Variants in TTC7B observed in about 807,000 individuals in gnomAD.
TTC7B encodes the protein tetratricopeptide repeat protein 7B.
A neutral mutation model predicts 106.8 loss-of-function variants in TTC7B; 28 were observed. The observed-to-expected ratio is 0.26, with a 90% CI of 0.19 to 0.36. The LOEUF (loss-of-function observed/expected upper bound fraction) is 0.36. Ranked by LOEUF, TTC7B falls within the 10% of genes least tolerant of loss-of-function variation. TTC7B has a pLI of 1.00. For synonymous variants in TTC7B, 405 were observed against 430.6 expected, an observed-to-expected ratio of 0.94 and a Z score of 0.74; for missense variants, 862 against 1,076.4, an observed-to-expected ratio of 0.80 and a Z score of 2.79.
chr14:90,638,031 G>A (rs1030759788), intron 15 of TTC7B, among the ~76,000 whole-genome samples: 9 of 151,376 alleles, frequency 5.9e-5, no homozygotes, highest in South Asian at 2.1e-4. Context: ...ACAGGTACAC[G>A]CCATCACATC....
At chr14:90,619,065 G>C (rs894620888) in intron 15 of TTC7B, among the ~76,000 whole-genome samples, 4 of 152,080 alleles carry the variant, frequency 2.6e-5, no homozygotes, top group Non-Finnish European at 5.9e-5. Context: ...CACCACGTCC[G>C]GCTAATTTTT....
At chr14:90,727,679 C>T (rs532815502) in intron 5 of TTC7B, among the ~76,000 whole-genome samples, 26 of 152,342 alleles carry the variant, frequency 1.7e-4, no homozygotes, top group African/African-American at 6.0e-4. Flanking sequence ...TCAGGAATGA[C>T]AGCTAAAAAG....
At position 90,593,592 on chromosome 14, in the gene TTC7B, T is replaced by C. The variant is rs766777638; in HGVS notation, c.2001A>G (p.Arg667=). 4.1e-5 allele frequency: 66 copies of C among 1,611,486 alleles called. No individual in the cohort carries two copies. Among genetic ancestry groups the C allele is most frequent in the Non-Finnish European group, 5.5e-5 (65 of 1,178,536 alleles). Residue 667 remains arginine, a synonymous_variant, in exon 18 of 20, where the codon AGA becomes AGG. Coordinates refer to ENST00000328459, the MANE Select transcript of TTC7B (RefSeq NM_001010854.2). ...SVHATSVAAS[R]VEQALSEVAS... is the part of the protein sequence containing the mutation. ...CCACTTCCGACAGTGCCTGCTCCAC[T>C]CTTGAGGCTGCTACCGATGTGGCAT...
chr14:90,660,388 C>G (rs1259362987), intron 9 of TTC7B, among the ~76,000 whole-genome samples: 3 of 104,992 alleles, frequency 2.9e-5, no homozygotes, highest in Non-Finnish European at 5.4e-5. Context: ...GCAAGACCAC[C>G]CTGTCTCAAA....
At chr14:90,630,991 C>T (rs1299567127) in intron 15 of TTC7B, among the ~76,000 whole-genome samples, 3 of 152,046 alleles carry the variant, frequency 2.0e-5, no homozygotes, top group African/African-American at 4.8e-5. Flanking sequence ...CCTGCCACCA[C>T]GCCCAGCTAA....
intron 2 of TTC7B, among the ~76,000 whole-genome samples, chr14:90,785,886 T>C (rs1350416810): frequency 6.6e-6 from 1 of 152,206 alleles, no homozygotes; most frequent in Non-Finnish European, 1.5e-5. Flanking sequence ...CTCTGGGTTA[T>C]ATCGGATAGC....
chr14:90,739,947 G>A (rs757428956), intron 4 of TTC7B, among the ~76,000 whole-genome samples: 5 of 152,202 alleles, frequency 3.3e-5, no homozygotes, highest in Non-Finnish European at 5.9e-5. Flanking sequence ...GCACAATGCC[G>A]TCATCTGAAG....
chr14:90,525,838 G>A lies in TTC7B; in HGVS notation c.*15530C>T, dbSNP rs1889135871. The A allele has an allele frequency of 6.8e-6, 1 of 147,138 alleles. No homozygotes were observed. Among genetic ancestry groups the A allele is most frequent in the Non-Finnish European group, 1.5e-5 (1 of 66,896 alleles). The allele number at this position is 147,138 out of a possible 1,614,324, so 9.1% of individuals were successfully genotyped here. A position where few individuals can be genotyped will look rare whatever the true frequency, so the allele number is the denominator to read the frequency against. ...GCACGTCACTGTTAGGCTAAGCAGA[G>A]ACTTTGGAACCCCGGTTCTAAAGCT... On this transcript the variant is annotated 3_prime_UTR_variant, in exon 20 of 20. Transcript: ENST00000328459.
intron 5 of TTC7B, among the ~76,000 whole-genome samples, chr14:90,713,273 G>A (rs936243086): frequency 6.6e-6 from 1 of 151,960 alleles, no homozygotes; most frequent in African/African-American, 2.4e-5. Context: ...ACACCACCAT[G>A]CCCCACTAAT....
At position 90,657,165 on chromosome 14, in the gene TTC7B, C is replaced by G; in HGVS notation, c.1341+9G>C. The G allele has an allele frequency of 6.2e-7, 1 of 1,612,276 alleles. No homozygotes were observed. Among genetic ancestry groups the G allele is most frequent in the Non-Finnish European group, 8.5e-7 (1 of 1,178,716 alleles). ...CTGCAGGAGCGGGGAGGGGGGCGCC[C>G]CTACTCACCCAGTGCAGGGAGCCCA... On this transcript the variant is annotated intron_variant, in intron 11 of 19. Transcript: ENST00000328459. This position sits in a 1 kb window ranked among gnomAD's most constrained non-coding sequence, Gnocchi z 4.2.
Position 90,537,729 on chromosome 14 carries a change from C to G in TTC7B, c.*3639G>C, listed in dbSNP as rs1020381917. 1 of 152,074 alleles carries G rather than the reference C, an allele frequency of 6.6e-6. No individual in the cohort carries two copies. Among genetic ancestry groups the G allele is most frequent in the Non-Finnish European group, 1.5e-5 (1 of 68,056 alleles). 9.4% of individuals were successfully genotyped at this position (152,074 alleles called of 1,614,324 possible). ...ACCTTCTTAGCGAGGCTTCCCTAGT[C>G]ACCTTCTAAACAGCAGCCCTGCCAC... On this transcript the variant is annotated 3_prime_UTR_variant, in exon 20 of 20. Coordinates refer to ENST00000328459, the MANE Select transcript of TTC7B (RefSeq NM_001010854.2).
chr14:90,558,468 C>T (rs986477030), intron 19 of TTC7B, among the ~76,000 whole-genome samples: 1 of 152,260 alleles, frequency 6.6e-6, no homozygotes, highest in Non-Finnish European at 1.5e-5. Flanking sequence ...ACACAAAGGC[C>T]GGATAGTTCA....
At chr14:90,629,477 C>T (rs1415703531) in intron 15 of TTC7B, among the ~76,000 whole-genome samples, 1 of 152,202 alleles carries the variant, frequency 6.6e-6, no homozygotes, top group African/African-American at 2.4e-5. Context: ...CAGGCAGACA[C>T]AAGCTTAGCT....
At chr14:90,601,163 A>G (rs965888870) in intron 17 of TTC7B, among the ~76,000 whole-genome samples, 6 of 152,230 alleles carry the variant, frequency 3.9e-5, no homozygotes, top group African/African-American at 1.4e-4. Flanking sequence ...TAAAATAGCA[A>G]AAAAAGGTTC....
Position 90,749,407 on chromosome 14 carries a change from T to C in TTC7B, c.446-4485A>G, listed in dbSNP as rs924138150. Reference sequence around the variant, plus strand: ...CTTAAAATATAATAATTTTTCTTTTTTTTTTTTTTTTTTTTGAGACAGAGT... The same window carrying C: ...CTTAAAATATAATAATTTTTCTTTTCTTTTTTTTTTTTTTTGAGACAGAGT... On this transcript the variant is annotated intron_variant, in intron 3 of 19. Transcript: ENST00000328459. Among the ~76,000 whole-genome samples the C allele has an allele frequency of 2.6e-3, 290 of 112,152 alleles. 3 individuals carry two copies. The highest frequency in any genetic ancestry group is 7.5e-3 in the African/African-American group (274 of 36,682). The allele number at this position is 112,152 out of a possible 152,430, so 73.6% of individuals were successfully genotyped here.
At chr14:90,609,767 G>A (rs1427843972) in intron 17 of TTC7B, among the ~76,000 whole-genome samples, 1 of 152,208 alleles carries the variant, frequency 6.6e-6, no homozygotes, top group East Asian at 1.9e-4. Context: ...TCAAAGAAGA[G>A]CAAATTTATA....
At chr14:90,678,476 C>T (rs191868364) in intron 8 of TTC7B, among the ~76,000 whole-genome samples, 9 of 152,242 alleles carry the variant, frequency 5.9e-5, no homozygotes, top group Admixed American at 4.6e-4. Context: ...ACTAAACAAT[C>T]GAGAAGTCAA....
chr14:90,784,481 C>T (rs538451835), intron 2 of TTC7B, among the ~76,000 whole-genome samples: 6 of 151,898 alleles, frequency 4.0e-5, no homozygotes, highest in East Asian at 1.9e-4. Flanking sequence ...GGCATGAGCG[C>T]GGGAGGCAGA....
intron 15 of TTC7B, among the ~76,000 whole-genome samples, chr14:90,632,204 T>A (rs1023664177): frequency 7.9e-5 from 12 of 152,212 alleles, no homozygotes; most frequent in Non-Finnish European, 1.5e-4. Flanking sequence ...ATGAACAGCC[T>A]CTTTCCTTGT....
Sources: gnomAD v4.1 joint callset for allele counts (sites outside exome capture counted in the v4.1 genomes callset) on GRCh38, gnomAD v4.1.1 for gene constraint, Gnocchi (gnomAD v3.1) non-coding constraint, MANE v1.5 for transcripts, NCBI Gene and HGNC (gene_info 2026-07-23, HGNC 2026-07-21) for gene names.